The following RABGAP1 variants were observed in gnomAD, a reference collection of about 807,000 sequenced individuals.
RABGAP1 encodes rab GTPase-activating protein 1.
Under a neutral mutation model 137.6 loss-of-function variants are expected in RABGAP1, and 23 were observed. That is an observed-to-expected ratio of 0.17 (90% CI 0.12 to 0.24). The LOEUF (loss-of-function observed/expected upper bound fraction) is 0.24. Ranked by LOEUF, RABGAP1 falls within the 10% of genes least tolerant of loss-of-function variation. The probability of loss-of-function intolerance (pLI) is 1.00; values close to 1 mark genes in which losing one functional copy is unlikely to be tolerated. For missense variants in RABGAP1, 906 were observed against 1,275.8 expected, an observed-to-expected ratio of 0.71 and a Z score of 4.42; for synonymous variants, 451 against 450.7, an observed-to-expected ratio of 1.00 and a Z score of -0.01.
At chr9:123,043,963 C>G (rs1417330706) in intron 13 of RABGAP1, among the ~76,000 whole-genome samples, 2 of 148,278 alleles carry the variant, frequency 1.3e-5, no homozygotes, top group South Asian at 4.2e-4. Flanking sequence ...TGCAATGGCG[C>G]GATCTCGGCT....
intron 12 of RABGAP1, among the ~76,000 whole-genome samples, chr9:123,017,388 A>G (rs920048813): frequency 7.9e-5 from 12 of 152,096 alleles, no homozygotes; most frequent in Non-Finnish European, 1.6e-4. Context: ...TTGAGTTTCC[A>G]TCTGTGTCTG....
chr9:122,962,797 T>C (rs184297318), intron 2 of RABGAP1, among the ~76,000 whole-genome samples: 2 of 152,256 alleles, frequency 1.3e-5, no homozygotes, highest in Admixed American at 6.5e-5. Flanking sequence ...TACTGTTAGA[T>C]TGGATAAAAA....
chr9:122,941,583 T>G (rs543289162), intron 1 of RABGAP1, among the ~76,000 whole-genome samples: 30 of 152,366 alleles, frequency 2.0e-4, no homozygotes, highest in Admixed American at 3.9e-4. Flanking sequence ...AAAGACTTGC[T>G]AGTTTTCACT....
intron 19 of RABGAP1, among the ~76,000 whole-genome samples, chr9:123,082,292 G>C (rs959906571): frequency 3.9e-5 from 6 of 152,188 alleles, no homozygotes; most frequent in Admixed American, 1.3e-4. Context: ...GCTATCCATT[G>C]AACTTCTCCC....
At chr9:123,082,913 C>T (rs541684954) in intron 19 of RABGAP1, among the ~76,000 whole-genome samples, 1 of 152,322 alleles carries the variant, frequency 6.6e-6, no homozygotes, top group African/African-American at 2.4e-5. Flanking sequence ...ACTTCATTCT[C>T]TGTTCAAATT....
chr9:123,087,354 T>A (rs542128184), intron 19 of RABGAP1, among the ~76,000 whole-genome samples: 42 of 152,342 alleles, frequency 2.8e-4, no homozygotes, highest in African/African-American at 7.2e-4. Context: ...TGTTTTTTTT[T>A]AATAAAGTGC....
Position 122,990,226 on chromosome 9 carries a change from A to G in RABGAP1, c.923+13A>G, listed in dbSNP as rs765635952. The G allele has an allele frequency of 3.3e-5, 52 of 1,576,620 alleles. No individual in the cohort carries two copies. Among genetic ancestry groups the G allele is most frequent in the Non-Finnish European group, 4.3e-5 (50 of 1,149,864 alleles). On this transcript the variant is annotated intron_variant, in intron 6 of 25. Transcript: ENST00000373647. ...AAGGTTATTTTAGGTAGGGAATCTT[A>G]TTTTATTCATGTATTAACATGCTGT...
intron 23 of RABGAP1, among the ~76,000 whole-genome samples, 195 bp downstream of exon 23, chr9:123,098,993 T>G (rs2035265143): frequency 6.6e-6 from 1 of 151,792 alleles, no homozygotes; most frequent in African/African-American, 2.4e-5. Flanking sequence ...CCTAGGAAGG[T>G]TGTTACGAGG....
intron 21 of RABGAP1, among the ~76,000 whole-genome samples, chr9:123,094,971 G>A (rs2035136696): frequency 6.6e-6 from 1 of 152,004 alleles, no homozygotes; most frequent in African/African-American, 2.4e-5. Context: ...CATTCCTGAT[G>A]TACGTCATTT....
intron 21 of RABGAP1, among the ~76,000 whole-genome samples, chr9:123,095,226 CAAAAAAAAAAAA>C (rs55675466): frequency 4.1e-4 from 25 of 61,254 alleles, no homozygotes; most frequent in South Asian, 2.8e-3. Flanking sequence ...AACCTTGTCC[CAAAAAAAAAAAA>C]AAAAAAAAAA....
intron 13 of RABGAP1, among the ~76,000 whole-genome samples, chr9:123,058,392 T>C (rs2033832540): frequency 6.6e-6 from 1 of 152,222 alleles, no homozygotes; most frequent in Non-Finnish European, 1.5e-5. Flanking sequence ...CTAAAAAGTT[T>C]GGCATATGCG....
chr9:123,091,188 T>C (rs1484020676), intron 21 of RABGAP1, among the ~76,000 whole-genome samples: 1 of 152,208 alleles, frequency 6.6e-6, no homozygotes, highest in Non-Finnish European at 1.5e-5. Flanking sequence ...CCCTTTAGGT[T>C]TCCCTGCTAG....
chr9:123,060,980 A>G (rs2033948469), intron 13 of RABGAP1, among the ~76,000 whole-genome samples: 2 of 152,376 alleles, frequency 1.3e-5, no homozygotes, highest in Admixed American at 1.3e-4. Context: ...ATTTAAAATC[A>G]TAACAAAAAT....
chr9:123,058,574 A>G (rs2033842224), intron 13 of RABGAP1, among the ~76,000 whole-genome samples: 1 of 152,194 alleles, frequency 6.6e-6, no homozygotes, highest in Non-Finnish European at 1.5e-5. Flanking sequence ...AAAATGCAGT[A>G]AGGTATATCA....
chr9:122,979,729 T>C (rs569992398), intron 2 of RABGAP1, among the ~76,000 whole-genome samples: 1 of 152,390 alleles, frequency 6.6e-6, no homozygotes, highest in South Asian at 2.1e-4. Flanking sequence ...TTTCTCCATT[T>C]AATAACCTTG....
At chr9:122,960,179 C>T (rs1834775029) in intron 2 of RABGAP1, among the ~76,000 whole-genome samples, 1 of 152,164 alleles carries the variant, frequency 6.6e-6, no homozygotes, top group Admixed American at 6.5e-5. Flanking sequence ...TAGGGAAAGA[C>T]ACAGCTGGGA....
At chr9:123,078,790 G>A (rs2034604137) in intron 19 of RABGAP1, among the ~76,000 whole-genome samples, 1 of 151,980 alleles carries the variant, frequency 6.6e-6, no homozygotes, top group Admixed American at 6.6e-5. Flanking sequence ...TATGCTCGTC[G>A]TCAGAATATA....
In RABGAP1 at chr9:122,984,485, A is replaced by G. The variant is rs775942579; in HGVS notation, c.151A>G (p.Ile51Val). ...GATTGCATGTATTTGTGACCCTTAG[A>G]TTGTAGGGAATGGAAGTGAACAGCA... ...GSDDEKTGLK[I>V]VGNGSEQQLQ... Residue 51 changes from isoleucine to valine, a missense_variant and splice_region_variant, in exon 3 of 26, where the codon ATT becomes GTT. Transcript: ENST00000373647. 1.2e-6 allele frequency: 2 copies of G among 1,612,922 alleles called. No individual in the cohort carries two copies. Among genetic ancestry groups the G allele is most frequent in the African/African-American group, 1.3e-5 (1 of 75,012 alleles).
intron 2 of RABGAP1, among the ~76,000 whole-genome samples, chr9:122,965,676 G>T (rs1034330443): frequency 6.6e-6 from 1 of 152,170 alleles, no homozygotes; most frequent in Non-Finnish European, 1.5e-5. Flanking sequence ...GAGCCACCAC[G>T]CCCAGCCTGT....
Sources: allele counts gnomAD v4.1 joint callset (sites outside exome capture counted in the v4.1 genomes callset), GRCh38; gene constraint gnomAD v4.1.1; transcripts MANE v1.5; gene names NCBI Gene and HGNC (gene_info 2026-07-23, HGNC 2026-07-21).